IPMK: variants seen among roughly 807,000 people sequenced by gnomAD.
IPMK encodes the protein inositol polyphosphate multikinase, also known as inositol 1,3,4,6-tetrakisphosphate 5-kinase.
Under a neutral mutation model 45.8 loss-of-function variants are expected in IPMK, and 17 were observed. The observed-to-expected ratio is 0.37, with a 90% CI of 0.25 to 0.56. The LOEUF is 0.56. Ranked by LOEUF, IPMK falls within the 20% of genes least tolerant of loss-of-function variation. The pLI is 0.79. For synonymous variants in IPMK, 180 were observed against 184.3 expected (o/e 0.98, Z 0.19); for missense variants, 399 against 498.0 (o/e 0.80, Z 1.89).
chr10:58,219,418 C>T (rs915763410), intron 3 of IPMK, among the ~76,000 whole-genome samples: 16 of 152,286 alleles, frequency 1.1e-4, no homozygotes, highest in Admixed American at 3.3e-4. Context: ...TACAGGCTGT[C>T]ATTAATAGAA....
intron 1 of IPMK, among the ~76,000 whole-genome samples, chr10:58,263,134 C>T (rs1839099322): frequency 6.6e-6 from 1 of 152,180 alleles, no homozygotes; most frequent in Admixed American, 6.5e-5. Context: ...TCCTGTAATC[C>T]TAGCACTTTG....
At chr10:58,211,497 A>AC (rs1838158933) in intron 4 of IPMK, among the ~76,000 whole-genome samples, 1 of 151,958 alleles carries the variant, frequency 6.6e-6, no homozygotes, top group South Asian at 2.1e-4. Context: ...CCAGCTGACT[A>AC]CCCGGTCTCT....
chr10:58,199,552 C>T (rs574294397), intron 4 of IPMK, among the ~76,000 whole-genome samples: 1 of 152,218 alleles, frequency 6.6e-6, no homozygotes, highest in East Asian at 1.9e-4. Flanking sequence ...ATGAATATTT[C>T]CAATATGATA....
intron 3 of IPMK, among the ~76,000 whole-genome samples, chr10:58,220,956 AAAT>A (rs1174447905): frequency 2.0e-5 from 3 of 152,192 alleles, no homozygotes; most frequent in Non-Finnish European, 2.9e-5. Flanking sequence ...TATTCAGTAT[AAAT>A]AAAAATAGAA....
chr10:58,202,930 T>C (rs550920555), intron 4 of IPMK, among the ~76,000 whole-genome samples: 1 of 152,208 alleles, frequency 6.6e-6, no homozygotes, highest in Non-Finnish European at 1.5e-5. Context: ...CAAGGAGTAA[T>C]TTCAACTTTT....
At chr10:58,253,742 AAAAAAAAAG>A (rs1335311237) in intron 1 of IPMK, among the ~76,000 whole-genome samples, 15 of 136,618 alleles carry the variant, frequency 1.1e-4, no homozygotes, top group African/African-American at 3.8e-4. Flanking sequence ...TCCAAAAAAA[AAAAAAAAAG>A]AAAAAAAAAG....
chr10:58,250,513 TG>T (rs1838866008), intron 1 of IPMK, among the ~76,000 whole-genome samples: 1 of 152,210 alleles, frequency 6.6e-6, no homozygotes, highest in African/African-American at 2.4e-5. Context: ...TGCAGATTTT[TG>T]TATGTTGACT....
chr10:58,207,560 T>C (rs972391003), intron 4 of IPMK, among the ~76,000 whole-genome samples: 4 of 152,218 alleles, frequency 2.6e-5, no homozygotes, highest in African/African-American at 9.7e-5. Flanking sequence ...CCATTTGTTC[T>C]AGGGTATAGT....
intron 4 of IPMK, among the ~76,000 whole-genome samples, chr10:58,212,327 A>G (rs962591972): frequency 6.6e-6 from 1 of 152,222 alleles, no homozygotes; most frequent in Non-Finnish European, 1.5e-5. Context: ...CTATCAAATG[A>G]GTTTAAATGC....
intron 4 of IPMK, among the ~76,000 whole-genome samples, chr10:58,210,507 C>A (rs1376438241): frequency 1.3e-5 from 2 of 152,212 alleles, no homozygotes; most frequent in Non-Finnish European, 2.9e-5. Context: ...CAAAATTCAG[C>A]TGCAAGCTTC....
chr10:58,267,325 G>T (rs896786099), intron 1 of IPMK, 97 bp downstream of exon 1: 4 of 1,199,270 alleles, frequency 3.3e-6, no homozygotes, highest in African/African-American at 3.0e-5. Context: ...CACCAGGGGG[G>T]CGTCCAGGCA....
intron 1 of IPMK, among the ~76,000 whole-genome samples, chr10:58,245,448 C>T (rs1473121645): frequency 1.3e-5 from 2 of 151,748 alleles, no homozygotes; most frequent in East Asian, 1.9e-4. Context: ...CCCGTCTCTA[C>T]TGAAAGCACA....
intron 4 of IPMK, among the ~76,000 whole-genome samples, chr10:58,206,741 C>G (rs1288641071): frequency 6.6e-6 from 1 of 152,120 alleles, no homozygotes; most frequent in Non-Finnish European, 1.5e-5. Context: ...CCAAGCAGTG[C>G]ACATTTTACT....
intron 1 of IPMK, among the ~76,000 whole-genome samples, chr10:58,253,978 AT>A (rs1838925414): frequency 1.3e-5 from 2 of 151,636 alleles, no homozygotes; most frequent in Non-Finnish European, 2.9e-5. Context: ...TCTGTCTTTG[AT>A]TTTTGCTTAT....
Position 58,196,708 on chromosome 10 carries a change from G to A in IPMK, c.629-10C>T. 6.6e-7 allele frequency: 1 copy of A among 1,507,902 alleles called. No individual in the cohort carries two copies. Among genetic ancestry groups the A allele is most frequent in the Non-Finnish European group, 9.0e-7 (1 of 1,116,166 alleles). The allele number at this position is 1,507,902 out of a possible 1,614,324, so 93.4% of individuals were successfully genotyped here. A position where few individuals can be genotyped will look rare whatever the true frequency, so the allele number is the denominator to read the frequency against. On this transcript the variant is annotated splice_polypyrimidine_tract_variant and intron_variant, in intron 5 of 5. Coordinates refer to ENST00000373935, the MANE Select transcript of IPMK (RefSeq NM_152230.5). ...AAAAATCTGGAGACTCCTATAAAAA[G>A]AAAAATATGAGCGTTATAATCAAAT...
At position 58,195,225 on chromosome 10, in the gene IPMK, A is replaced by G. The variant is rs927611843; in HGVS notation, c.*851T>C. The stretch of plus-strand genomic sequence containing the variant: ...TATTTAGAGGAGAAATAAAACTTCA[A>G]TTATTTACTTTTTTGAAGCTGCATT... On this transcript the variant is annotated 3_prime_UTR_variant, in exon 6 of 6. Coordinates refer to ENST00000373935, the MANE Select transcript of IPMK (RefSeq NM_152230.5). 3 of 152,090 alleles carry G rather than the reference A, an allele frequency of 2.0e-5. No homozygotes were observed. Among genetic ancestry groups the G allele is most frequent in the Non-Finnish European group, 4.4e-5 (3 of 67,932 alleles). The allele number at this position is 152,090 out of a possible 1,614,324, so 9.4% of individuals were successfully genotyped here. A position where few individuals can be genotyped will look rare whatever the true frequency, so the allele number is the denominator to read the frequency against.
At chr10:58,197,225 G>A (rs977346420) in intron 5 of IPMK, among the ~76,000 whole-genome samples, 4 of 151,482 alleles carry the variant, frequency 2.6e-5, no homozygotes, top group African/African-American at 7.3e-5. Context: ...GTGTGAACCC[G>A]GGAGGTGGAG....
At chr10:58,267,385 G>T (rs1424511816) in intron 1 of IPMK, 37 bp downstream of exon 1, 1 of 1,605,160 alleles carries the variant, frequency 6.2e-7, no homozygotes, top group South Asian at 1.1e-5. Context: ...CGCACAGGCG[G>T]AAGGGGAGCG....
At chr10:58,247,882 A>T (rs1838825849) in intron 1 of IPMK, among the ~76,000 whole-genome samples, 1 of 152,226 alleles carries the variant, frequency 6.6e-6, no homozygotes, top group Non-Finnish European at 1.5e-5. Context: ...CATTAAAAGG[A>T]GTAATGGGAT....
Sources: allele counts gnomAD v4.1 joint callset (sites outside exome capture counted in the v4.1 genomes callset), GRCh38; gene constraint gnomAD v4.1.1; transcripts MANE v1.5; gene names NCBI Gene and HGNC (gene_info 2026-07-23, HGNC 2026-07-21).